SCUBE1: variants seen among roughly 807,000 people sequenced by gnomAD.
SCUBE1 encodes the protein signal peptide, CUB domain and EGF like domain containing 1, also known as signal peptide, CUB and EGF-like domain-containing protein 1.
In SCUBE1, 59 loss-of-function variants were observed where a neutral mutation model predicts 124.4. The observed-to-expected ratio is 0.47, with a 90% CI of 0.38 to 0.59. The LOEUF (loss-of-function observed/expected upper bound fraction) is 0.59. SCUBE1 is among the 20% of genes least tolerant of loss of function. SCUBE1 has a pLI of 0.00. For missense variants in SCUBE1, 1,150 were observed against 1,371.2 expected, an observed-to-expected ratio of 0.84 and a Z score of 2.55; for synonymous variants, 545 against 550.9, an observed-to-expected ratio of 0.99 and a Z score of 0.15.
intron 2 of SCUBE1, among the ~76,000 whole-genome samples, chr22:43,335,863 T>C (rs1927056373): frequency 6.6e-6 from 1 of 151,046 alleles, no homozygotes; most frequent in Non-Finnish European, 1.5e-5. Context: ...GTGGTGATGA[T>C]GGTGATGGTG....
At chr22:43,301,189 CT>C (rs1925756971) in intron 3 of SCUBE1, among the ~76,000 whole-genome samples, 1 of 152,150 alleles carries the variant, frequency 6.6e-6, no homozygotes, top group East Asian at 1.9e-4. Flanking sequence ...ATTCGCTCCC[CT>C]CCAGGGCTGC....
intron 6 of SCUBE1, 64 bp from the exon 7 acceptor site, chr22:43,239,018 C>CGGAA: frequency 7.6e-7 from 1 of 1,310,538 alleles, no homozygotes; most frequent in Non-Finnish European, 1.1e-6. Flanking sequence ...TTTCCCCTTC[C>CGGAA]GTGGAAAGAT....
In SCUBE1 at chr22:43,343,267, A is replaced by G. The variant is rs1346669995; in HGVS notation, c.-6T>C. 8.9e-7 allele frequency: 1 copy of G among 1,126,054 alleles called. No individual in the cohort carries two copies. Among genetic ancestry groups the G allele is most frequent in the African/African-American group, 1.7e-5 (1 of 59,876 alleles). The allele number at this position is 1,126,054 out of a possible 1,614,324, so 69.8% of individuals were successfully genotyped here. A position where few individuals can be genotyped will look rare whatever the true frequency, so the allele number is the denominator to read the frequency against. ...CGCACGGCCGCCGCGCCCATGCTCA[A>G]TGCGGGCCCCGCTGGGCGTGCGGGC... On this transcript the variant is annotated 5_prime_UTR_variant, in exon 1 of 22. Transcript: ENST00000360835.
intron 13 of SCUBE1, 78 bp from the exon 14 acceptor site, chr22:43,220,665 T>G: frequency 1.9e-6 from 3 of 1,541,628 alleles, no homozygotes; most frequent in Non-Finnish European, 2.6e-6. Context: ...GCATACAGAG[T>G]GCCATTGGCA....
intron 4 of SCUBE1, among the ~76,000 whole-genome samples, chr22:43,273,773 A>G (rs1390321461): frequency 6.6e-6 from 1 of 151,708 alleles, no homozygotes; most frequent in Non-Finnish European, 1.5e-5. Context: ...AGGTTTCACC[A>G]TGTTGTCCAG....
chr22:43,227,838 A>G (rs1410402171), intron 9 of SCUBE1, among the ~76,000 whole-genome samples: 2 of 152,160 alleles, frequency 1.3e-5, no homozygotes, highest in Non-Finnish European at 2.9e-5. Flanking sequence ...AGGGATTGTG[A>G]AACTGATTTT....
intron 15 of SCUBE1, among the ~76,000 whole-genome samples, chr22:43,216,907 C>T (rs1921840622): frequency 8.5e-6 from 1 of 117,602 alleles, no homozygotes. Context: ...CAGCTTCCCT[C>T]CCACCCCCAC....
intron 6 of SCUBE1, among the ~76,000 whole-genome samples, chr22:43,243,659 C>A (rs7289924): frequency 0.024 from 3,731 of 152,352 alleles, 54 homozygotes; most frequent in Middle Eastern, 0.044. Context: ...CATTAAGGGA[C>A]AGGCGCTATG....
intron 7 of SCUBE1, 33 bp from the exon 8 acceptor site, chr22:43,231,908 G>C (rs770619060): frequency 2.5e-6 from 4 of 1,606,288 alleles, no homozygotes; most frequent in Middle Eastern, 3.3e-4. Flanking sequence ...AGGAGTGAGA[G>C]CCAGGAGAAT....
intron 3 of SCUBE1, among the ~76,000 whole-genome samples, chr22:43,319,678 G>T (rs55976809): frequency 0.053 from 8,021 of 151,770 alleles, 705 homozygotes; most frequent in African/African-American, 0.18. Flanking sequence ...CCACCTGCAA[G>T]CCTGACAGAG....
chr22:43,262,832 G>A lies in SCUBE1; in HGVS notation c.498C>T (p.Cys166=). 3.1e-6 allele frequency: 5 copies of A among 1,614,090 alleles called. No homozygotes were observed. The highest frequency in any genetic ancestry group is 4.2e-6 in the Non-Finnish European group (5 of 1,179,956). ...CIHRSNEGMN[C]MNKDHGCAHI... ...GGGCACAGCCATGGTCTTTGTTCATGCAGTTCATACCCTCTGGGAAGAGAG... is the reference window on the plus strand; with the variant it reads ...GGGCACAGCCATGGTCTTTGTTCATACAGTTCATACCCTCTGGGAAGAGAG... Residue 166 remains cysteine, a synonymous_variant, in exon 5 of 22, where the codon TGC becomes TGT. Coordinates refer to ENST00000360835, the MANE Select transcript of SCUBE1 (RefSeq NM_173050.5).
At chr22:43,310,295 C>T (rs1926124282) in intron 3 of SCUBE1, among the ~76,000 whole-genome samples, 1 of 152,086 alleles carries the variant, frequency 6.6e-6, no homozygotes, top group South Asian at 2.1e-4. Flanking sequence ...CTGGGGCTTC[C>T]TCCCCTTACC....
chr22:43,227,004 C>G (rs1922345206), intron 10 of SCUBE1, among the ~76,000 whole-genome samples: 2 of 152,144 alleles, frequency 1.3e-5, no homozygotes, highest in Non-Finnish European at 2.9e-5. Flanking sequence ...GGGAAGCTAC[C>G]AGAGGAGAGG....
At chr22:43,334,707 A>G (rs2146799813) in intron 2 of SCUBE1, among the ~76,000 whole-genome samples, 1 of 152,212 alleles carries the variant, frequency 6.6e-6, no homozygotes, top group Admixed American at 6.5e-5. Flanking sequence ...CATCACCCCC[A>G]TCACCCTCAT....
At chr22:43,330,232 C>T (rs186288894) in intron 2 of SCUBE1, among the ~76,000 whole-genome samples, 6 of 152,236 alleles carry the variant, frequency 3.9e-5, no homozygotes, top group East Asian at 1.9e-4. Flanking sequence ...GTTAAGTCAC[C>T]GCTGGCTCAC....
chr22:43,223,814 G>A (rs1263644213), intron 10 of SCUBE1, among the ~76,000 whole-genome samples: 5 of 152,224 alleles, frequency 3.3e-5, no homozygotes, highest in Non-Finnish European at 2.9e-5. Flanking sequence ...GCCTCTGAAA[G>A]CCACCTCATG....
chr22:43,286,857 C>G (rs556401127), intron 4 of SCUBE1, among the ~76,000 whole-genome samples: 1 of 152,218 alleles, frequency 6.6e-6, no homozygotes, highest in Non-Finnish European at 1.5e-5. Context: ...CTTCCAGAAC[C>G]CTTTCTACTC....
chr22:43,298,837 G>C (rs947683546), intron 3 of SCUBE1, among the ~76,000 whole-genome samples: 1 of 152,170 alleles, frequency 6.6e-6, no homozygotes, highest in Admixed American at 6.5e-5. Flanking sequence ...CGGATCACAA[G>C]GTCAGGAGAT....
At chr22:43,297,678 C>T (rs566901258) in intron 3 of SCUBE1, among the ~76,000 whole-genome samples, 2 of 152,340 alleles carry the variant, frequency 1.3e-5, no homozygotes, top group South Asian at 2.1e-4. Context: ...GGGAGGTGTG[C>T]TTCTTGGCCC....
Sources: gnomAD v4.1 joint callset for allele counts (sites outside exome capture counted in the v4.1 genomes callset) on GRCh38, gnomAD v4.1.1 for gene constraint, MANE v1.5 for transcripts, NCBI Gene and HGNC (gene_info 2026-07-23, HGNC 2026-07-21) for gene names.